The following SMAD3 variants were observed in gnomAD, a reference collection of about 807,000 sequenced individuals.
SMAD3 encodes the protein SMAD family member 3, also known as MAD homolog 3.
A neutral mutation model predicts 51.8 loss-of-function variants in SMAD3; 12 were observed. The observed-to-expected ratio is 0.23, with a 90% CI of 0.15 to 0.38. SMAD3 has a LOEUF of 0.38. SMAD3 is among the 10% of genes least tolerant of loss of function. The pLI, the probability that SMAD3 is intolerant of heterozygous loss-of-function variation, is 1.00. For synonymous variants in SMAD3, 238 were observed against 227.7 expected (o/e 1.05, Z -0.41); for missense variants, 294 against 565.6 (o/e 0.52, Z 4.87).
intron 1 of SMAD3, among the ~76,000 whole-genome samples, chr15:67,093,229 G>A (rs1960545587): frequency 6.6e-6 from 1 of 152,190 alleles, no homozygotes; most frequent in Non-Finnish European, 1.5e-5. Context: ...TCTCTGAGAT[G>A]TACTTTTCTT....
At chr15:67,147,998 A>G (rs1269292616) in intron 1 of SMAD3, among the ~76,000 whole-genome samples, 1 of 152,084 alleles carries the variant, frequency 6.6e-6, no homozygotes, top group East Asian at 1.9e-4. Context: ...TACAGTAGGG[A>G]AGAGGAATTT....
intron 1 of SMAD3, among the ~76,000 whole-genome samples, chr15:67,130,324 A>T (rs140177649): frequency 1.7e-4 from 26 of 152,224 alleles, no homozygotes; most frequent in Middle Eastern, 6.8e-3. Flanking sequence ...TCCTTCTCTT[A>T]CACCAGGGGT....
intron 1 of SMAD3, among the ~76,000 whole-genome samples, chr15:67,126,370 GC>G (rs777876576): frequency 6.6e-6 from 1 of 152,232 alleles, no homozygotes; most frequent in East Asian, 1.9e-4. Flanking sequence ...GGGACCTCCT[GC>G]TGCCAGTCTC....
At chr15:67,112,710 T>C (rs1961045052) in intron 1 of SMAD3, among the ~76,000 whole-genome samples, 1 of 133,432 alleles carries the variant, frequency 7.5e-6, no homozygotes, top group Non-Finnish European at 1.5e-5. Flanking sequence ...TAAGAAACTG[T>C]TGCTTAATCC....
At chr15:67,117,225 G>A (rs145874096) in intron 1 of SMAD3, among the ~76,000 whole-genome samples, 34 of 152,274 alleles carry the variant, frequency 2.2e-4, no homozygotes, top group African/African-American at 7.9e-4. Context: ...GCTGAAAATG[G>A]TAATTAGGAT....
At chr15:67,071,594 G>A (rs1159439256) in intron 1 of SMAD3, among the ~76,000 whole-genome samples, 2 of 152,132 alleles carry the variant, frequency 1.3e-5, no homozygotes, top group Non-Finnish European at 1.5e-5. Context: ...GGCGGATCAC[G>A]AGGTCAGGAG....
chr15:67,194,802 T>G lies in SMAD3; in HGVS notation c.*4266T>G. On this transcript the variant is annotated 3_prime_UTR_variant, in exon 9 of 9. Transcript: ENST00000327367. ...TCTGGGCCCTTCCACAAGGGTCCTCTGAACCAAGCCCCACTCCCTTGCTAG... is the reference window on the plus strand; with the variant it reads ...TCTGGGCCCTTCCACAAGGGTCCTCGGAACCAAGCCCCACTCCCTTGCTAG... 4.3e-6 allele frequency: 1 copy of G among 232,648 alleles called. No individual in the cohort carries two copies. Among genetic ancestry groups the G allele is most frequent in the Non-Finnish European group, 8.5e-6 (1 of 117,288 alleles). 14.4% of individuals were successfully genotyped at this position (232,648 alleles called of 1,614,324 possible).
intron 1 of SMAD3, among the ~76,000 whole-genome samples, chr15:67,140,699 C>T (rs928989960): frequency 3.9e-5 from 6 of 152,132 alleles, no homozygotes; most frequent in African/African-American, 1.2e-4. Context: ...TTTGTGGTTG[C>T]GCTACAAAAC....
Position 67,115,991 on chromosome 15 carries a change from G to C in SMAD3, c.207-48904G>C, listed in dbSNP as rs531471510. On this transcript the variant is annotated intron_variant, in intron 1 of 8. Transcript: ENST00000327367. ...CTGTAGAGAGACTTCTGTAACCACT[G>C]TACCCTCTGGAAGTGGGTACAGAAG... Among the ~76,000 whole-genome samples the C allele has an allele frequency of 2.6e-3, 380 of 148,108 alleles. 1 individual carries two copies. Among genetic ancestry groups the C allele is most frequent in the Non-Finnish European group, 4.7e-3 (308 of 65,292 alleles).
chr15:67,177,134 CT>C (rs1962921009), intron 5 of SMAD3, among the ~76,000 whole-genome samples: 1 of 152,168 alleles, frequency 6.6e-6, no homozygotes, highest in African/African-American at 2.4e-5. Flanking sequence ...CCACCTCCCC[CT>C]GAGAGATTTC....
chr15:67,173,636 G>A lies in SMAD3; in HGVS notation c.658+3032G>A, dbSNP rs184149894. The stretch of plus-strand genomic sequence containing the variant: ...TTGCCTATAGAATAAAGTTGTTTGT[G>A]GGTTTTGATTGGGGAGGTTTTCTGA... On this transcript the variant is annotated intron_variant, in intron 5 of 8. Transcript: ENST00000327367. Among the ~76,000 whole-genome samples the A allele has an allele frequency of 1.3e-4, 20 of 152,214 alleles. No individual in the cohort carries two copies. The East Asian group carries it at 3.7e-3, about 28-fold the overall frequency.
chr15:67,144,962 C>G (rs540774151), intron 1 of SMAD3, among the ~76,000 whole-genome samples: 1 of 152,090 alleles, frequency 6.6e-6, no homozygotes, highest in African/African-American at 2.4e-5. Flanking sequence ...TTCCCTCATC[C>G]TCACAAAGCC....
intron 1 of SMAD3, among the ~76,000 whole-genome samples, chr15:67,153,832 G>A (rs1240550099): frequency 1.3e-5 from 2 of 152,292 alleles, no homozygotes; most frequent in Middle Eastern, 3.4e-3. Context: ...AAAGTTCTTG[G>A]TGTCTGCGTG....
chr15:67,153,964 C>T (rs951863426), intron 1 of SMAD3, among the ~76,000 whole-genome samples: 3 of 152,164 alleles, frequency 2.0e-5, no homozygotes, highest in Admixed American at 6.5e-5. Context: ...AAGGTCTAGG[C>T]GATCTTTGTG....
chr15:67,115,137 A>G (rs888513953), intron 1 of SMAD3, among the ~76,000 whole-genome samples: 3 of 152,152 alleles, frequency 2.0e-5, no homozygotes, highest in African/African-American at 7.2e-5. Flanking sequence ...CTAGGCCTTG[A>G]GCAAATGTGT....
chr15:67,166,836 A>C lies in SMAD3; in HGVS notation c.590A>C (p.Asn197Thr), dbSNP rs1236860367. Residue 197 changes from asparagine to threonine, a missense_variant, in exon 4 of 9, where the codon AAC becomes ACC. This residue lies in a region of SMAD3 where 147 missense variants were observed against 260.9 expected (regional missense o/e 0.56). Coordinates refer to ENST00000327367, the MANE Select transcript of SMAD3 (RefSeq NM_005902.4). ...EDGETSDHQM[N>T]HSMDAGSPNL... is the part of the protein sequence containing the mutation. The stretch of plus-strand genomic sequence containing the variant: ...GGAGAAACCAGTGACCACCAGATGA[A>C]CCACAGCATGGACGCAGGTCAGTCA... The C allele has an allele frequency of 6.3e-7, 1 of 1,594,646 alleles. No individual in the cohort carries two copies. Among genetic ancestry groups the C allele is most frequent in the African/African-American group, 1.3e-5 (1 of 74,704 alleles).
chr15:67,131,125 C>T (rs1961515554), intron 1 of SMAD3, among the ~76,000 whole-genome samples: 1 of 152,214 alleles, frequency 6.6e-6, no homozygotes. Context: ...GTGCTTTGGG[C>T]CAGAATGATT....
chr15:67,139,060 G>T (rs1961747433), intron 1 of SMAD3, among the ~76,000 whole-genome samples: 1 of 152,174 alleles, frequency 6.6e-6, no homozygotes, highest in Non-Finnish European at 1.5e-5. Flanking sequence ...CCTTATATTA[G>T]CTCTCCGTTG....
rs3985646 is a variant in SMAD3, at chr15:67,113,094, A to ATATT, written c.206+46735_206+46736insATTT. 5.3e-5 allele frequency among the ~76,000 whole-genome samples: 6 copies of ATATT among 112,564 alleles called. 1 individual carries two copies. Among genetic ancestry groups the ATATT allele is most frequent in the African/African-American group, 2.1e-4 (6 of 28,070 alleles). 73.8% of individuals were successfully genotyped at this position (112,564 alleles called of 152,430 possible). A position where few individuals can be genotyped will look rare whatever the true frequency, so the allele number is the denominator to read the frequency against. On this transcript the variant is annotated intron_variant, in intron 1 of 8. Transcript: ENST00000327367. ...TATATGTGTATATATATATATATAT[A>ATATT]TTTTTTTGAGACAGAGTCTTGCTCT...
Sources: gnomAD v4.1 joint callset for allele counts (sites outside exome capture counted in the v4.1 genomes callset) on GRCh38, gnomAD v4.1.1 for gene constraint, gnomAD v4.1.1 regional missense constraint, MANE v1.5 for transcripts, NCBI Gene and HGNC (gene_info 2026-07-23, HGNC 2026-07-21) for gene names.